Variants in UAP1L1 observed in about 807,000 individuals in gnomAD.
UAP1L1 encodes UDP-N-acetylhexosamine pyrophosphorylase-like protein 1.
Under a neutral mutation model 45.3 loss-of-function variants are expected in UAP1L1, and 45 were observed. The ratio of observed to expected loss-of-function variants is 0.99; its 90% confidence interval spans 0.78 to 1.27. The LOEUF (loss-of-function observed/expected upper bound fraction) is 1.27. UAP1L1 is among the 50% of genes most tolerant of loss of function. The probability of loss-of-function intolerance (pLI) is 0.00; values close to 1 mark genes in which losing one functional copy is unlikely to be tolerated. For missense variants in UAP1L1, 667 were observed against 694.0 expected, an observed-to-expected ratio of 0.96 and a Z score of 0.44; for synonymous variants, 323 against 303.9, an observed-to-expected ratio of 1.06 and a Z score of -0.65.
At chr9:137,080,657 G>A (rs763068986) in intron 6 of UAP1L1, 32 bp from the exon 7 acceptor site, 87 of 1,584,558 alleles carry the variant, frequency 5.5e-5, no homozygotes, top group East Asian at 6.7e-5. Flanking sequence ...CCTCTGTGCT[G>A]GGACGTGGGT....
chr9:137,078,296 C>T (rs968972495), intron 2 of UAP1L1, 42 bp downstream of exon 2: 4 of 1,510,740 alleles, frequency 2.6e-6, no homozygotes, highest in Non-Finnish European at 3.6e-6. Context: ...GGTACCCTTC[C>T]CCACGCCCCC....
Position 137,080,144 on chromosome 9 carries a change from TTAG to T in UAP1L1, c.1178+9_1178+11del. On this transcript the variant is annotated splice_donor_5th_base_variant and intron_variant, in intron 6 of 8. Coordinates refer to ENST00000409858, the MANE Select transcript of UAP1L1 (RefSeq NM_207309.3). ...GTTTGATGTGTTCCGGTTTGCTAAG[TTAG>T]TAGTAGAACTCATTTATTTTCCCCT... The T allele has an allele frequency of 2.5e-6, 4 of 1,614,038 alleles. No individual in the cohort carries two copies. Among genetic ancestry groups the T allele is most frequent in the Non-Finnish European group, 3.4e-6 (4 of 1,179,932 alleles).
Position 137,079,879 on chromosome 9 carries a change from C to T in UAP1L1, c.1038-123C>T. 5 of 1,183,900 alleles carry T rather than the reference C, an allele frequency of 4.2e-6. No homozygotes were observed. In the South Asian group the frequency reaches 7.2e-5, roughly 17 times the overall value. The allele number at this position is 1,183,900 out of a possible 1,614,324, so 73.3% of individuals were successfully genotyped here. A position where few individuals can be genotyped will look rare whatever the true frequency, so the allele number is the denominator to read the frequency against. ...TGGCCCTACTCTGCCGCTTCTGTGCCCTGTAGTGTCCTTCTGCCATCCTGT... is the reference window on the plus strand; with the variant it reads ...TGGCCCTACTCTGCCGCTTCTGTGCTCTGTAGTGTCCTTCTGCCATCCTGT... On this transcript the variant is annotated intron_variant, in intron 5 of 8. Coordinates refer to ENST00000409858, the MANE Select transcript of UAP1L1 (RefSeq NM_207309.3).
Position 137,082,778 on chromosome 9 carries a change from T to C in UAP1L1, c.*49T>C. 6.8e-7 allele frequency: 1 copy of C among 1,467,368 alleles called. No individual in the cohort carries two copies. Among genetic ancestry groups the C allele is most frequent in the South Asian group, 1.2e-5 (1 of 81,990 alleles). The allele number at this position is 1,467,368 out of a possible 1,614,324, so 90.9% of individuals were successfully genotyped here. A position where few individuals can be genotyped will look rare whatever the true frequency, so the allele number is the denominator to read the frequency against. ...CCCCCGAGACCTGCCAGCCCCGGCA[T>C]CCTGGAAGTCCCGACTCCCCCCAGA... On this transcript the variant is annotated 3_prime_UTR_variant, in exon 9 of 9. Transcript: ENST00000409858. The surrounding 1 kb of genome is among the most constrained non-coding windows in gnomAD (Gnocchi z 5.7).
chr9:137,080,638 G>A (rs767374259), intron 6 of UAP1L1, 51 bp from the exon 7 acceptor site: 28 of 1,549,458 alleles, frequency 1.8e-5, no homozygotes, highest in Middle Eastern at 1.7e-4. Flanking sequence ...TCACCTGCCC[G>A]GATCAGGGCC....
intron 7 of UAP1L1, 121 bp from the exon 8 acceptor site, chr9:137,081,877 T>G (rs1832791934): frequency 4.3e-6 from 4 of 929,690 alleles, no homozygotes; most frequent in Non-Finnish European, 7.1e-6. Context: ...ATGAGCTTGC[T>G]GAGACAGGAG....
At position 137,082,047 on chromosome 9, in the gene UAP1L1, GTGTCTTAC is replaced by G; in HGVS notation, c.1416_1423del (p.Ser473TrpfsTer21). On this transcript the variant is annotated frameshift_variant, in exon 8 of 9. Coordinates refer to ENST00000409858, the MANE Select transcript of UAP1L1 (RefSeq NM_207309.3). LOFTEE classifies it high-confidence loss of function. The surrounding 1 kb of genome is among the most constrained non-coding windows in gnomAD (Gnocchi z 5.7). ...GGCCATCTGTGAGATATCGCCCTTG[GTGTCTTAC>G]TCTGGAGAGGTGAGAGCTGCCCATC... The G allele has an allele frequency of 6.2e-7, 1 of 1,614,058 alleles. No individual in the cohort carries two copies.
At position 137,079,373 on chromosome 9, in the gene UAP1L1, G is replaced by C. The variant is rs772754783; in HGVS notation, c.961G>C (p.Asp321His). 4 of 1,612,748 alleles carry C rather than the reference G, an allele frequency of 2.5e-6. No homozygotes were observed. The East Asian group carries it at 8.9e-5, about 36-fold the overall frequency. ...SPETAQLRASDGSLLYNAGNI... is the reference protein window; with the variant it reads ...SPETAQLRASHGSLLYNAGNI... The stretch of plus-strand genomic sequence containing the variant: ...TGAGACCGCACAGCTACGTGCCTCC[G>C]ACGGGAGCCTGCTGTACAATGCAGG... The change falls in exon 5 of 9, where the codon GAC becomes CAC. Residue 321 changes from aspartate to histidine, a missense_variant. Physicochemically the swap from Asp to His is moderately conservative, Grantham distance 81 (BLOSUM62 -1). Transcript: ENST00000409858.
In UAP1L1 at chr9:137,078,089, T is replaced by C; in HGVS notation, c.329T>C (p.Leu110Pro). The change falls in exon 2 of 9, where the codon CTG becomes CCG. Residue 110 changes from leucine (L) to proline (P), a missense_variant. By Grantham distance (98) the Leu-to-Pro change is moderately conservative. Coordinates refer to ENST00000409858, the MANE Select transcript of UAP1L1 (RefSeq NM_207309.3). Reference sequence around the variant, plus strand: ...TCTCTGAACAAGGTGGCCGTCCTGCTGCTGGCTGGGGGGCAGGGCACTCGC... The same window carrying C: ...TCTCTGAACAAGGTGGCCGTCCTGCCGCTGGCTGGGGGGCAGGGCACTCGC... ...QISLNKVAVL[L>P]LAGGQGTRLG... 1 of 1,550,234 alleles carries C rather than the reference T, an allele frequency of 6.5e-7. No individual in the cohort carries two copies. The highest frequency in any genetic ancestry group is 8.7e-7 in the Non-Finnish European group (1 of 1,146,892).
At chr9:137,079,759 A>G (rs1431392739) in intron 5 of UAP1L1, 2 of 602,568 alleles carry the variant, frequency 3.3e-6, no homozygotes, top group African/African-American at 1.9e-5. Context: ...GGGGCTTGCC[A>G]GTTTGTTTGC....
At position 137,080,063 on chromosome 9, in the gene UAP1L1, G is replaced by A; in HGVS notation, c.1099G>A (p.Glu367Lys). The A allele has an allele frequency of 1.2e-6, 2 of 1,614,206 alleles. No homozygotes were observed. The highest frequency in any genetic ancestry group is 1.3e-5 in the African/African-American group (1 of 75,070). Residue 367 changes from glutamate (E) to lysine (K), a missense_variant, in exon 6 of 9, where the codon GAG becomes AAG. Physicochemically the swap from Glu to Lys is moderately conservative, Grantham distance 56 (BLOSUM62 1). Coordinates refer to ENST00000409858, the MANE Select transcript of UAP1L1 (RefSeq NM_207309.3). ...GAAGAAGGTCCCGTATGTGGATGAG[G>A]AGGGGAATCTGGTAAAGCCGCTAAA... The part of the protein sequence containing the change: ...AVKKVPYVDE[E>K]GNLVKPLKPN...
Position 137,084,044 on chromosome 9 carries a change from AGAT to A in UAP1L1, c.*1320_*1322del, listed in dbSNP as rs751468478. The A allele has an allele frequency of 1.3e-5, 2 of 152,572 alleles. No individual in the cohort carries two copies. The highest frequency in any genetic ancestry group is 1.9e-4 in the East Asian group (1 of 5,208). 9.5% of individuals were successfully genotyped at this position (152,572 alleles called of 1,614,324 possible). On this transcript the variant is annotated 3_prime_UTR_variant, in exon 9 of 9. Transcript: ENST00000409858. ...GTGATTTTTGAAACCAAAGCCCAGAAGATGATGTTTACTTCTCTCTCCCTGGCT... is the reference window on the plus strand; with the variant it reads ...GTGATTTTTGAAACCAAAGCCCAGAAGATGTTTACTTCTCTCTCCCTGGCT...
chr9:137,078,449 C>G (rs1204974456), intron 2 of UAP1L1, 53 bp from the exon 3 acceptor site: 3 of 1,610,742 alleles, frequency 1.9e-6, no homozygotes, highest in Non-Finnish European at 2.5e-6. Context: ...CGAGCCCCGT[C>G]TGCCTGCAGG....
In UAP1L1 at chr9:137,082,876, C is replaced by T. The variant is rs1832814065; in HGVS notation, c.*147C>T. 43 of 633,024 alleles carry T rather than the reference C, an allele frequency of 6.8e-5. No homozygotes were observed. In the South Asian group the frequency reaches 7.4e-4, roughly 11 times the overall value. 39.2% of individuals were successfully genotyped at this position (633,024 alleles called of 1,614,324 possible). On this transcript the variant is annotated 3_prime_UTR_variant, in exon 9 of 9. Transcript: ENST00000409858. The surrounding 1 kb of genome is among the most constrained non-coding windows in gnomAD (Gnocchi z 5.7). ...GCTCTGGGTGGGAAAGCAGCCTGCC[C>T]CATGCTTCCAGCCTGCAGAACACAG...
chr9:137,078,785 G>A, intron 3 of UAP1L1, 108 bp downstream of exon 3: 1 of 1,350,778 alleles, frequency 7.4e-7, no homozygotes, highest in Non-Finnish European at 9.9e-7. Flanking sequence ...GTGTGGTCCT[G>A]GGTTAGGCGC....
At chr9:137,078,779 GGT>G in intron 3 of UAP1L1, 102 bp downstream of exon 3, 1 of 1,408,266 alleles carries the variant, frequency 7.1e-7, no homozygotes, top group East Asian at 2.5e-5. Flanking sequence ...GAGGCTGTGT[GGT>G]CCTGGGTTAG....
chr9:137,079,911 C>T (rs1285862048), intron 5 of UAP1L1, 91 bp from the exon 6 acceptor site: 3 of 1,509,874 alleles, frequency 2.0e-6, no homozygotes, highest in Non-Finnish European at 2.7e-6. Flanking sequence ...CTGTCCCACC[C>T]AGCTGGGTGT....
chr9:137,079,179 C>T (rs760922718), intron 4 of UAP1L1, 31 bp downstream of exon 4: 2 of 1,593,626 alleles, frequency 1.3e-6, no homozygotes, highest in Non-Finnish European at 8.5e-7. Flanking sequence ...CGCCCCGCAC[C>T]CGAGGCTGGC....
chr9:137,078,820 A>T, intron 3 of UAP1L1, 143 bp downstream of exon 3: 1 of 1,310,120 alleles, frequency 7.6e-7, no homozygotes, highest in Non-Finnish European at 1.0e-6. Context: ...CTTGATCGTC[A>T]TTTGTCACAT....
Sources: allele counts gnomAD v4.1 joint callset, GRCh38; gene constraint gnomAD v4.1.1; non-coding constraint Gnocchi (gnomAD v3.1); transcripts MANE v1.5; gene names NCBI Gene and HGNC (gene_info 2026-07-23, HGNC 2026-07-21).